DLGAP2: variants seen among roughly 807,000 people sequenced by gnomAD.
DLGAP2 encodes the protein DLG associated protein 2, also known as disks large-associated protein 2.
A neutral mutation model predicts 100.3 loss-of-function variants in DLGAP2; 26 were observed. That is an observed-to-expected ratio of 0.26 (90% CI 0.19 to 0.36). The LOEUF is 0.36. Among genes scored for constraint, DLGAP2 ranks in the 10% least tolerant of loss-of-function variants. DLGAP2 has a pLI of 1.00. For synonymous variants in DLGAP2, 886 were observed against 630.1 expected, an observed-to-expected ratio of 1.41 and a Z score of -6.08; for missense variants, 1,858 against 1,453.2, an observed-to-expected ratio of 1.28 and a Z score of -4.53.
chr8:957,306 A>G (rs1799618753), intron 2 of DLGAP2, among the ~76,000 whole-genome samples: 1 of 152,212 alleles, frequency 6.6e-6, no homozygotes, highest in Non-Finnish European at 1.5e-5. Context: ...CTGGAAGAGG[A>G]GCCAGGGAAA....
intron 2 of DLGAP2, among the ~76,000 whole-genome samples, chr8:1,199,944 CA>C (rs371836025): frequency 7.2e-5 from 11 of 152,054 alleles, no homozygotes; most frequent in South Asian, 2.1e-4. Context: ...GATTCCCCCC[CA>C]CAACCCCCCG....
intron 6 of DLGAP2, among the ~76,000 whole-genome samples, chr8:1,609,302 T>A: frequency 7.3e-6 from 1 of 137,220 alleles, no homozygotes; most frequent in African/African-American, 2.6e-5. Flanking sequence ...GCTTCATAAG[T>A]GAAGGAGAAA....
intron 2 of DLGAP2, among the ~76,000 whole-genome samples, chr8:1,135,470 C>G (rs1171991405): frequency 1.4e-5 from 2 of 139,830 alleles, no homozygotes; most frequent in African/African-American, 2.6e-5. Flanking sequence ...TTAGAGATTT[C>G]TCACCTTGGA....
chr8:850,267 A>G (rs1180399179), intron 1 of DLGAP2, among the ~76,000 whole-genome samples: 1 of 152,176 alleles, frequency 6.6e-6, no homozygotes, highest in Non-Finnish European at 1.5e-5. Flanking sequence ...TGTCCAGTTT[A>G]TCACATTTTT....
intron 6 of DLGAP2, among the ~76,000 whole-genome samples, chr8:1,610,292 G>A (rs1390198478): frequency 2.6e-5 from 4 of 151,876 alleles, no homozygotes; most frequent in Non-Finnish European, 5.9e-5. Context: ...ATGACTACTG[G>A]GTACATAACG....
chr8:822,453 G>C (rs937553252), intron 1 of DLGAP2, among the ~76,000 whole-genome samples: 1 of 152,210 alleles, frequency 6.6e-6, no homozygotes, highest in Non-Finnish European at 1.5e-5. Context: ...TGTTCAAACA[G>C]AGCTGTGTTT....
intron 2 of DLGAP2, among the ~76,000 whole-genome samples, chr8:1,216,303 G>A (rs1798211640): frequency 6.6e-6 from 1 of 152,090 alleles, no homozygotes; most frequent in Admixed American, 6.5e-5. Context: ...CAGGGGCTCT[G>A]ATATCCAGGA....
At chr8:1,620,735 C>T (rs1797306202) in intron 6 of DLGAP2, among the ~76,000 whole-genome samples, 1 of 152,108 alleles carries the variant, frequency 6.6e-6, no homozygotes, top group South Asian at 2.1e-4. Flanking sequence ...GGTCTGTGTC[C>T]AGGACACCAC....
At chr8:816,664 C>A (rs768932897) in intron 1 of DLGAP2, among the ~76,000 whole-genome samples, 10 of 152,062 alleles carry the variant, frequency 6.6e-5, no homozygotes, top group Non-Finnish European at 1.5e-4. Context: ...TTTCCTTTGT[C>A]TTGACTTTGG....
Position 1,029,966 on chromosome 8 carries a change from G to A in DLGAP2, c.73+122000G>A, listed in dbSNP as rs138824022. On this transcript the variant is annotated intron_variant, in intron 2 of 14. Transcript: ENST00000637795. ...TGCAGAGACCCGGTTAAGGGAAGAG[G>A]AGCTCATCCCGAGAGGAAGCTGGGA... 4.6e-3 allele frequency among the ~76,000 whole-genome samples: 698 copies of A among 152,296 alleles called. 3 individuals carry two copies. The highest frequency in any genetic ancestry group is 7.6e-3 in the Non-Finnish European group (517 of 68,028).
intron 2 of DLGAP2, chr8:1,032,456 C>T (rs1001086720): frequency 6.6e-6 from 1 of 152,246 alleles, no homozygotes; most frequent in Non-Finnish European, 1.5e-5. Flanking sequence ...AGAATAATTC[C>T]AAGCCAGCCT....
intron 7 of DLGAP2, among the ~76,000 whole-genome samples, chr8:1,631,170 C>A (rs1311089679): frequency 6.6e-6 from 1 of 152,122 alleles, no homozygotes; most frequent in Non-Finnish European, 1.5e-5. Flanking sequence ...ACCTTCATGT[C>A]TAGAACCTCA....
intron 4 of DLGAP2, among the ~76,000 whole-genome samples, chr8:1,543,602 A>G (rs990771903): frequency 6.6e-6 from 1 of 152,184 alleles, no homozygotes; most frequent in South Asian, 2.1e-4. Context: ...CTTGGGATCC[A>G]TAAGTGTGAG....
chr8:1,333,880 C>G (rs113770592), intron 3 of DLGAP2, among the ~76,000 whole-genome samples: 3 of 152,388 alleles, frequency 2.0e-5, no homozygotes, highest in Admixed American at 6.5e-5. Flanking sequence ...AACAGAAAGT[C>G]AGATCCCAGG....
chr8:790,200 C>A (rs1039909000), intron 1 of DLGAP2, among the ~76,000 whole-genome samples: 2 of 152,014 alleles, frequency 1.3e-5, no homozygotes, highest in African/African-American at 2.4e-5. Context: ...TTGACAGGAA[C>A]AGAAAAGGGG....
At chr8:1,335,731 T>C (rs1385420158) in intron 3 of DLGAP2, among the ~76,000 whole-genome samples, 1 of 152,258 alleles carries the variant, frequency 6.6e-6, no homozygotes, top group African/African-American at 2.4e-5. Context: ...CAGGGAACCC[T>C]GAGTATGATT....
chr8:990,359 G>A (rs1324607865), intron 2 of DLGAP2, among the ~76,000 whole-genome samples: 11 of 116,660 alleles, frequency 9.4e-5, no homozygotes, highest in African/African-American at 2.3e-4. Flanking sequence ...CTCCCTCCTT[G>A]CCCGGACCCC....
At chr8:1,371,670 A>G (rs1459143751) in intron 3 of DLGAP2, among the ~76,000 whole-genome samples, 3 of 152,228 alleles carry the variant, frequency 2.0e-5, no homozygotes, top group African/African-American at 7.2e-5. Flanking sequence ...AGGTGAATAA[A>G]TCATTGCTAA....
intron 3 of DLGAP2, among the ~76,000 whole-genome samples, chr8:1,269,051 A>G (rs1163526311): frequency 1.3e-5 from 2 of 152,158 alleles, no homozygotes; most frequent in African/African-American, 2.4e-5. Flanking sequence ...TGATGAACCA[A>G]TAGGGCATAC....
Sources: gnomAD v4.1 joint callset for allele counts (sites outside exome capture counted in the v4.1 genomes callset) on GRCh38, gnomAD v4.1.1 for gene constraint, MANE v1.5 for transcripts, NCBI Gene and HGNC (gene_info 2026-07-23, HGNC 2026-07-21) for gene names.